SRD5A1: variants seen among roughly 807,000 people sequenced by gnomAD.
SRD5A1 encodes steroid 5 alpha-reductase 1.
A neutral mutation model predicts 28.2 loss-of-function variants in SRD5A1; 22 were observed. The ratio of observed to expected loss-of-function variants is 0.78; its 90% CI spans 0.56 to 1.12. The LOEUF is 1.12. SRD5A1 is among the 50% of genes most tolerant of loss of function. SRD5A1 has a pLI of 0.00. For synonymous variants in SRD5A1, 151 were observed against 135.0 expected (o/e 1.12, Z -0.82); for missense variants, 300 against 346.7 (o/e 0.87, Z 1.07).
At chr5:6,644,918 G>A (rs1465331521) in intron 1 of SRD5A1, 1 of 455,898 alleles carries the variant, frequency 2.2e-6, no homozygotes, top group Non-Finnish European at 4.4e-6. Context: ...GAGAGAAATT[G>A]CTGGGATTCG....
At chr5:6,641,281 A>T (rs1209339405) in intron 1 of SRD5A1, among the ~76,000 whole-genome samples, 1 of 152,004 alleles carries the variant, frequency 6.6e-6, no homozygotes, top group African/African-American at 2.4e-5. Flanking sequence ...CTTCTTCCCG[A>T]CCCCACCCCA....
Position 6,662,997 on chromosome 5 carries a change from A to G in SRD5A1, c.713+31A>G, listed in dbSNP as rs370255222. 43 of 1,609,664 alleles carry G rather than the reference A, an allele frequency of 2.7e-5. No individual in the cohort carries two copies. The African/African-American group carries it at 5.1e-4, about 19-fold the overall frequency. On this transcript the variant is annotated intron_variant, in intron 4 of 4. Transcript: ENST00000274192. ...TTTTAAAACACTTTTACCATTTGTA[A>G]TTTGTTCTTTGACTATATTATTACC...
intron 1 of SRD5A1, among the ~76,000 whole-genome samples, chr5:6,640,066 A>G (rs1425113759): frequency 6.6e-6 from 1 of 152,190 alleles, no homozygotes; most frequent in Non-Finnish European, 1.5e-5. Flanking sequence ...TGAGGATTTC[A>G]TATGCTTGGG....
In SRD5A1 at chr5:6,643,330, A is replaced by T. The variant is rs564283072; in HGVS notation, c.294-8512A>T. ...TTTTTAATTATTATTTTGAGACAGGATCTCACTCTGTCACCCAAGCTGGAG... is the reference window on the plus strand; with the variant it reads ...TTTTTAATTATTATTTTGAGACAGGTTCTCACTCTGTCACCCAAGCTGGAG... On this transcript the variant is annotated intron_variant, in intron 1 of 4. Transcript: ENST00000274192. Among the ~76,000 whole-genome samples the T allele has an allele frequency of 3.9e-5, 6 of 152,118 alleles. No homozygotes were observed. In the South Asian group the frequency reaches 6.3e-4, roughly 16 times the overall value.
chr5:6,642,630 C>T (rs1182388834), intron 1 of SRD5A1, among the ~76,000 whole-genome samples: 2 of 152,220 alleles, frequency 1.3e-5, no homozygotes, highest in Admixed American at 1.3e-4. Context: ...ATGACTTTAA[C>T]ACAGTATGAG....
Position 6,662,978 on chromosome 5 carries a change from A to G in SRD5A1, c.713+12A>G, listed in dbSNP as rs761560105. The stretch of plus-strand genomic sequence containing the variant: ...AAAGAGCATCATGAGTAAGTTTTAA[A>G]ACACTTTTACCATTTGTAATTTGTT... On this transcript the variant is annotated intron_variant, in intron 4 of 4. Transcript: ENST00000274192. The G allele has an allele frequency of 4.3e-6, 7 of 1,613,512 alleles. No homozygotes were observed. In the East Asian group the frequency reaches 1.6e-4, roughly 36 times the overall value.
chr5:6,658,036 G>A (rs1406238489), intron 3 of SRD5A1, among the ~76,000 whole-genome samples: 1 of 152,210 alleles, frequency 6.6e-6, no homozygotes. Context: ...TTTAAAATGT[G>A]AATGGAGGCC....
At chr5:6,635,627 C>A (rs7707559) in intron 1 of SRD5A1, among the ~76,000 whole-genome samples, 54,176 of 152,056 alleles carry the variant, frequency 0.36, 9,977 homozygotes, top group Middle Eastern at 0.43. Flanking sequence ...GGCGCATCTG[C>A]GTGCTCAGTA....
At chr5:6,656,048 C>T (rs8192207) in intron 2 of SRD5A1, 30 bp from the exon 3 acceptor site, 35,236 of 1,565,006 alleles carry the variant, frequency 0.023, 1,036 homozygotes, top group South Asian at 0.1. Flanking sequence ...GTTTATTAGC[C>T]ATAATCATCT....
intron 2 of SRD5A1, among the ~76,000 whole-genome samples, 172 bp downstream of exon 2, chr5:6,652,180 G>T (rs1200000645): frequency 6.6e-6 from 1 of 152,244 alleles, no homozygotes; most frequent in Non-Finnish European, 1.5e-5. Flanking sequence ...CACAGCTGGG[G>T]GCAGAGAGGT....
chr5:6,640,976 T>C (rs760184488), intron 1 of SRD5A1, among the ~76,000 whole-genome samples: 4 of 152,224 alleles, frequency 2.6e-5, no homozygotes, highest in Non-Finnish European at 5.9e-5. Context: ...TTGTTTCCCA[T>C]TGTTCCTCTA....
At chr5:6,656,807 A>C (rs1738847620) in intron 3 of SRD5A1, among the ~76,000 whole-genome samples, 1 of 152,184 alleles carries the variant, frequency 6.6e-6, no homozygotes, top group Admixed American at 6.5e-5. Flanking sequence ...TGTGCATTCA[A>C]CCTGAGTCTC....
intron 3 of SRD5A1, among the ~76,000 whole-genome samples, chr5:6,661,530 C>CT (rs11402128): frequency 0.36 from 42,916 of 118,162 alleles, 8,925 homozygotes; most frequent in Middle Eastern, 0.43. Flanking sequence ...ATAGGTTTGT[C>CT]TTTTTTTTTT....
At chr5:6,635,506 G>T (rs1477398748) in intron 1 of SRD5A1, among the ~76,000 whole-genome samples, 1 of 152,184 alleles carries the variant, frequency 6.6e-6, no homozygotes, top group African/African-American at 2.4e-5. Context: ...TTACTAAGCT[G>T]CCCCGCAGCA....
intron 3 of SRD5A1, among the ~76,000 whole-genome samples, chr5:6,656,857 C>T (rs72724270): frequency 3.5e-3 from 529 of 152,192 alleles, no homozygotes; most frequent in Non-Finnish European, 5.9e-3. Flanking sequence ...GTAAGAGGCA[C>T]GGTCACAAGG....
rs1025989282 is a variant in SRD5A1 at position 6,666,152 on chromosome 5, T to G, written c.714-2050T>G. ...TCTATTCCTTGCACTCCATTTATAA[T>G]GTTCTTTTTTTTTTTGAGACAGTCT... On this transcript the variant is annotated intron_variant, in intron 4 of 4. Coordinates refer to ENST00000274192, the MANE Select transcript of SRD5A1 (RefSeq NM_001047.4). Among the ~76,000 whole-genome samples, 10 of 152,130 alleles carry G rather than the reference T, an allele frequency of 6.6e-5. 1 individual carries two copies. The highest frequency in any genetic ancestry group is 6.2e-4 in the South Asian group (3 of 4,824).
intron 1 of SRD5A1, among the ~76,000 whole-genome samples, chr5:6,635,180 G>A (rs2126521457): frequency 6.6e-6 from 1 of 152,310 alleles, no homozygotes; most frequent in South Asian, 2.1e-4. Context: ...CTGAAAACCA[G>A]CACCTTACCC....
intron 1 of SRD5A1, chr5:6,644,976 C>G (rs1248532806): frequency 2.2e-6 from 1 of 455,888 alleles, no homozygotes; most frequent in South Asian, 1.5e-5. Flanking sequence ...AGGAGAATAC[C>G]CACCTCACTG....
chr5:6,640,851 T>C (rs911105341), intron 1 of SRD5A1, among the ~76,000 whole-genome samples: 1 of 152,254 alleles, frequency 6.6e-6, no homozygotes, highest in African/African-American at 2.4e-5. Flanking sequence ...TATGACACAT[T>C]ACTCAACATC....
Sources: allele counts gnomAD v4.1 joint callset (sites outside exome capture counted in the v4.1 genomes callset), GRCh38; gene constraint gnomAD v4.1.1; transcripts MANE v1.5; gene names NCBI Gene and HGNC (gene_info 2026-07-23, HGNC 2026-07-21).